The following MED12L variants were observed in gnomAD, a reference collection of about 807,000 sequenced individuals.
The protein encoded by MED12L is mediator complex subunit 12L.
Under a neutral mutation model 281.3 loss-of-function variants are expected in MED12L, and 60 were observed. That is an observed-to-expected ratio of 0.21 (90% CI 0.17 to 0.26). The LOEUF (loss-of-function observed/expected upper bound fraction) is 0.26. MED12L is among the 10% of genes least tolerant of loss of function. The probability of loss-of-function intolerance (pLI) is 1.00; values close to 1 mark genes in which losing one functional copy is unlikely to be tolerated. For synonymous variants in MED12L, 974 were observed against 987.2 expected (o/e 0.99, Z 0.25); for missense variants, 2,146 against 2,680.9 (o/e 0.80, Z 4.41).
chr3:151,378,368 C>G (rs1016059401), intron 31 of MED12L, among the ~76,000 whole-genome samples, 195 bp downstream of exon 31: 1 of 152,120 alleles, frequency 6.6e-6, no homozygotes, highest in Non-Finnish European at 1.5e-5. Context: ...TACATTAGTT[C>G]TCAATTCTGC....
intron 11 of MED12L, among the ~76,000 whole-genome samples, chr3:151,176,077 A>G (rs7616375): frequency 0.078 from 11,887 of 152,190 alleles, 1,040 homozygotes; most frequent in East Asian, 0.2. Flanking sequence ...CGTTCAGCCC[A>G]CAGTGTGGAC....
intron 36 of MED12L, among the ~76,000 whole-genome samples, chr3:151,385,743 TGTA>T (rs2108180239): frequency 6.6e-6 from 1 of 151,448 alleles, no homozygotes; most frequent in East Asian, 1.9e-4. Flanking sequence ...AAAACCTTCC[TGTA>T]GTAAGCTATT....
chr3:151,363,953 G>A (rs565693455), intron 21 of MED12L, among the ~76,000 whole-genome samples: 11 of 152,080 alleles, frequency 7.2e-5, no homozygotes, highest in African/African-American at 2.2e-4. Context: ...TTTCATCTTC[G>A]AGGGACTCAT....
chr3:151,100,466 T>G (rs939910701), intron 2 of MED12L, among the ~76,000 whole-genome samples: 5 of 152,182 alleles, frequency 3.3e-5, no homozygotes, highest in Admixed American at 2.6e-4. Context: ...TTGTTTGAAG[T>G]GTTGTTGGAA....
At chr3:151,344,973 G>A (rs773665166) in intron 16 of MED12L, among the ~76,000 whole-genome samples, 1 of 152,168 alleles carries the variant, frequency 6.6e-6, no homozygotes, top group Non-Finnish European at 1.5e-5. Flanking sequence ...AATTAGAGCA[G>A]ACCTCAATTC....
chr3:151,417,307 G>A (rs1031455751), intron 43 of MED12L, among the ~76,000 whole-genome samples: 2 of 152,044 alleles, frequency 1.3e-5, no homozygotes, highest in African/African-American at 4.8e-5. Context: ...TTGTAGAAAA[G>A]GGGGAACAAC....
intron 5 of MED12L, among the ~76,000 whole-genome samples, chr3:151,142,650 A>G (rs1448934385): frequency 6.6e-6 from 1 of 151,620 alleles, no homozygotes; most frequent in African/African-American, 2.4e-5. Context: ...GATTTTGTGT[A>G]TTTTTTAACA....
Position 151,368,227 on chromosome 3 carries a change from G to A in MED12L, c.3526G>A (p.Ala1176Thr), listed in dbSNP as rs780032486. ...GCTTCATCTCTTCCGAGCTCCCCAG[G>A]CCTGCTTCTTACCTCAAGCAACGGG... The part of the protein sequence containing the change: ...LLLHLFRAPQ[A>T]CFLPQATGKP... Residue 1176 changes from alanine (A) to threonine (T), a missense_variant, in exon 25 of 45, where the codon GCC becomes ACC. This residue lies in a region of MED12L where 404 missense variants were observed against 603.5 expected (regional missense o/e 0.67). Transcript: ENST00000687756. 3 of 1,613,990 alleles carry A rather than the reference G, an allele frequency of 1.9e-6. No individual in the cohort carries two copies. Among genetic ancestry groups the A allele is most frequent in the East Asian group, 2.2e-5 (1 of 44,878 alleles).
In MED12L at chr3:151,206,642, C is replaced by CTTTTTTTTTTTTTTTTT. The variant is rs747558778; in HGVS notation, c.2250+12980_2250+12996dup. Among the ~76,000 whole-genome samples the CTTTTTTTTTTTTTTTTT allele has an allele frequency of 2.3e-4, 16 of 70,326 alleles. 2 individuals carry two copies. Among genetic ancestry groups the CTTTTTTTTTTTTTTTTT allele is most frequent in the Admixed American group, 7.7e-4 (3 of 3,912 alleles). 46.1% of individuals were successfully genotyped at this position (70,326 alleles called of 152,430 possible). ...TATGAACTTATGACTAACACATTAT[C>CTTTTTTTTTTTTTTTTT]TTTTTTTTTTTTTTTTTTTTGAGAC... On this transcript the variant is annotated intron_variant, in intron 16 of 44. Transcript: ENST00000687756.
At chr3:151,338,278 C>G (rs1278660546) in intron 16 of MED12L, 26 of 1,613,892 alleles carry the variant, frequency 1.6e-5, no homozygotes, top group Non-Finnish European at 2.0e-5. Flanking sequence ...ATGTAATTTA[C>G]TATTTCATGC....
chr3:151,154,759 A>T (rs953018804), intron 5 of MED12L, among the ~76,000 whole-genome samples: 1 of 152,202 alleles, frequency 6.6e-6, no homozygotes, highest in East Asian at 1.9e-4. Flanking sequence ...GTTTTGTTGA[A>T]CAAGTGAGTG....
chr3:151,352,537 A>T (rs1753363133), intron 17 of MED12L, among the ~76,000 whole-genome samples: 1 of 152,202 alleles, frequency 6.6e-6, no homozygotes, highest in African/African-American at 2.4e-5. Context: ...TAATGGAAAT[A>T]TGCCCACTTT....
chr3:151,199,032 T>C, intron 16 of MED12L: 1 of 1,614,188 alleles, frequency 6.2e-7, no homozygotes, highest in Non-Finnish European at 8.5e-7. Context: ...ATCTTGCAGC[T>C]GTGTGTCAGC....
intron 2 of MED12L, among the ~76,000 whole-genome samples, chr3:151,102,186 G>C (rs1444359610): frequency 6.6e-6 from 1 of 152,120 alleles, no homozygotes; most frequent in East Asian, 1.9e-4. Context: ...TATACTGCTT[G>C]TCCTGTGCTT....
chr3:151,225,527 A>G (rs973996653), intron 16 of MED12L, among the ~76,000 whole-genome samples: 2 of 152,110 alleles, frequency 1.3e-5, no homozygotes, highest in African/African-American at 4.8e-5. Flanking sequence ...TGATCTAATC[A>G]TCTCTCAAAG....
chr3:151,296,512 C>G (rs1270657607), intron 16 of MED12L, among the ~76,000 whole-genome samples: 1 of 152,106 alleles, frequency 6.6e-6, no homozygotes, highest in Non-Finnish European at 1.5e-5. Flanking sequence ...AGGACTTTGG[C>G]TGGAGGAGTA....
At chr3:151,126,669 A>G (rs1353750228) in intron 4 of MED12L, among the ~76,000 whole-genome samples, 1 of 152,206 alleles carries the variant, frequency 6.6e-6, no homozygotes, top group Non-Finnish European at 1.5e-5. Flanking sequence ...CAGAGAGACC[A>G]GGGCTCTTGG....
chr3:151,365,279 C>A, intron 22 of MED12L, 73 bp downstream of exon 22: 3 of 1,254,860 alleles, frequency 2.4e-6, no homozygotes, highest in Admixed American at 1.7e-5. Context: ...AAATTGATGT[C>A]GTTAGTAAGT....
In MED12L at chr3:151,392,295, A is replaced by G. The variant is rs1245930991; in HGVS notation, c.5608+2160A>G. ...CCTGGCCAATATGGTGAAACCCCGT[A>G]TCTACTAAAAATACAAAAAACAAAA... On this transcript the variant is annotated intron_variant, in intron 38 of 44. Transcript: ENST00000687756. 2.6e-5 allele frequency among the ~76,000 whole-genome samples: 4 copies of G among 151,720 alleles called. No homozygotes were observed. The South Asian group carries it at 6.2e-4, about 24-fold the overall frequency.
Sources: allele counts gnomAD v4.1 joint callset (sites outside exome capture counted in the v4.1 genomes callset), GRCh38; gene constraint gnomAD v4.1.1; regional missense constraint gnomAD v4.1.1; transcripts MANE v1.5; gene names NCBI Gene and HGNC (gene_info 2026-07-23, HGNC 2026-07-21).